Variants in IFT43 observed in about 807,000 individuals in gnomAD.
IFT43 encodes the protein intraflagellar transport 43, also known as intraflagellar transport protein 43 homolog.
Under a neutral mutation model 32.3 loss-of-function variants are expected in IFT43, and 33 were observed. The ratio of observed to expected loss-of-function variants is 1.02; its 90% CI spans 0.77 to 1.37. The LOEUF is 1.37. Among genes scored for constraint, IFT43 ranks in the 40% most tolerant of loss-of-function variants. The pLI is 0.00. For missense variants in IFT43, 274 were observed against 265.9 expected, an observed-to-expected ratio of 1.03 and a Z score of -0.21; for synonymous variants, 93 against 98.2, an observed-to-expected ratio of 0.95 and a Z score of 0.31.
At position 76,082,658 on chromosome 14, in the gene IFT43, A is replaced by G. The variant is rs753110306; in HGVS notation, c.410A>G (p.Asn137Ser). ...GTGATGACCTACCGTGACCTGGACA[A>G]TGACCTCATGAAGTACTCAGCCATT... ...KRVMTYRDLD[N>S]DLMKYSAIQT... Residue 137 changes from asparagine (N) to serine (S), a missense_variant, in exon 7 of 9, where the codon AAT (asparagine) becomes AGT (serine). Coordinates refer to ENST00000314067, the MANE Select transcript of IFT43 (RefSeq NM_001102564.3). The G allele has an allele frequency of 1.9e-6, 3 of 1,613,764 alleles. No individual in the cohort carries two copies. Among genetic ancestry groups the G allele is most frequent in the African/African-American group, 2.7e-5 (2 of 74,890 alleles).
intron 1 of IFT43, among the ~76,000 whole-genome samples, chr14:75,988,234 C>A (rs971453544): frequency 1.3e-5 from 2 of 151,920 alleles, no homozygotes; most frequent in African/African-American, 4.8e-5. Flanking sequence ...AATAAAGTAT[C>A]CAGATATGGT....
chr14:76,011,326 T>C (rs1199230362), intron 2 of IFT43, among the ~76,000 whole-genome samples: 1 of 152,224 alleles, frequency 6.6e-6, no homozygotes, highest in East Asian at 1.9e-4. Context: ...ATTTTACTTA[T>C]TACTTTCTCA....
intron 2 of IFT43, among the ~76,000 whole-genome samples, chr14:76,004,055 C>T (rs567476122): frequency 4.6e-5 from 7 of 152,238 alleles, no homozygotes; most frequent in African/African-American, 9.6e-5. Flanking sequence ...GGATTACAGG[C>T]GTGAACCACC....
chr14:76,004,634 T>C (rs1210987172), intron 2 of IFT43, among the ~76,000 whole-genome samples: 1 of 152,216 alleles, frequency 6.6e-6, no homozygotes, highest in African/African-American at 2.4e-5. Flanking sequence ...ATTTTCTTTC[T>C]CTTTGTGCCT....
intron 2 of IFT43, among the ~76,000 whole-genome samples, chr14:76,013,127 C>T (rs959425743): frequency 2.6e-5 from 4 of 152,172 alleles, no homozygotes; most frequent in Non-Finnish European, 5.9e-5. Context: ...CTTAGCCTGC[C>T]TGAAGATTAA....
At chr14:76,065,018 A>G (rs560403803) in intron 5 of IFT43, among the ~76,000 whole-genome samples, 92 of 152,332 alleles carry the variant, frequency 6.0e-4, no homozygotes, top group African/African-American at 2.1e-3. Flanking sequence ...TTATAAATAC[A>G]TGGAATTAGA....
At chr14:76,052,259 A>C (rs2036927492) in intron 3 of IFT43, among the ~76,000 whole-genome samples, 1 of 152,186 alleles carries the variant, frequency 6.6e-6, no homozygotes. Flanking sequence ...GTGGTACTTT[A>C]TCTCCATTTA....
intron 3 of IFT43, among the ~76,000 whole-genome samples, chr14:76,025,612 T>C (rs1478068317): frequency 2.0e-5 from 3 of 152,050 alleles, no homozygotes; most frequent in Admixed American, 1.3e-4. Flanking sequence ...AAGAGACACA[T>C]AGACCAATAG....
At position 76,030,654 on chromosome 14, in the gene IFT43, C is replaced by A. The variant is rs575005865; in HGVS notation, c.215+8260C>A. ...ACTTCCTAAGTAAAACTCAAGATTT[C>A]TTTGTGGTTCTTTTTGTCCTTAGAA... On this transcript the variant is annotated intron_variant, in intron 3 of 8. Coordinates refer to ENST00000314067, the MANE Select transcript of IFT43 (RefSeq NM_001102564.3). 8.0e-4 allele frequency among the ~76,000 whole-genome samples: 122 copies of A among 152,210 alleles called. 1 individual carries two copies. The highest frequency in any genetic ancestry group is 2.8e-3 in the African/African-American group (117 of 41,552).
chr14:76,059,377 A>G lies in IFT43; in HGVS notation c.295+4A>G, dbSNP rs757286927. On this transcript the variant is annotated splice_donor_region_variant and intron_variant, in intron 5 of 8. Transcript: ENST00000314067. The stretch of plus-strand genomic sequence containing the variant: ...AATGGATCAGATTATGGAGGAGGTA[A>G]GAGGCCCTTGGAGGAAGTCAAAAGG... 2.5e-6 allele frequency: 4 copies of G among 1,613,926 alleles called. No individual in the cohort carries two copies. The highest frequency in any genetic ancestry group is 3.4e-6 in the Non-Finnish European group (4 of 1,179,820).
chr14:76,008,219 A>G (rs566295327), intron 2 of IFT43, among the ~76,000 whole-genome samples: 154 of 152,288 alleles, frequency 1.0e-3, no homozygotes, highest in African/African-American at 3.4e-3. Context: ...TCTTCAGGGA[A>G]GCTGGAATAG....
At chr14:76,038,384 TC>T (rs1826253887) in intron 3 of IFT43, among the ~76,000 whole-genome samples, 1 of 152,226 alleles carries the variant, frequency 6.6e-6, no homozygotes, top group African/African-American at 2.4e-5. Context: ...TAGATGCTTT[TC>T]TTTCACGTGC....
intron 2 of IFT43, among the ~76,000 whole-genome samples, chr14:76,020,668 A>G (rs1338822764): frequency 6.6e-6 from 1 of 152,130 alleles, no homozygotes; most frequent in African/African-American, 2.4e-5. Context: ...GGCTTAGGCT[A>G]TAGTTGTTAT....
intron 2 of IFT43, among the ~76,000 whole-genome samples, chr14:76,000,598 A>G (rs1293333429): frequency 6.6e-6 from 1 of 152,128 alleles, no homozygotes; most frequent in Non-Finnish European, 1.5e-5. Context: ...AAAAAGGTTC[A>G]TCTATTTACC....
rs546477930 is a variant in IFT43 at position 76,058,071 on chromosome 14, T to C, written c.216-571T>C. The C allele has an allele frequency of 5.6e-5, 9 of 162,034 alleles. No homozygotes were observed. The South Asian group carries it at 1.6e-3, about 29-fold the overall frequency. The allele number at this position is 162,034 out of a possible 1,614,324, so 10.0% of individuals were successfully genotyped here. ...TAACAGGCCCCGCGGATGGTTCTTA[T>C]GCACCCTGACGTGTGAGAACCACTA... is the stretch of plus-strand genomic sequence containing the variant. On this transcript the variant is annotated intron_variant, in intron 3 of 8. Transcript: ENST00000314067.
chr14:76,002,500 G>A (rs867448844), intron 2 of IFT43, among the ~76,000 whole-genome samples: 1 of 152,130 alleles, frequency 6.6e-6, no homozygotes, highest in Non-Finnish European at 1.5e-5. Context: ...AGCAGTTCCA[G>A]TTATGACTGG....
At position 76,059,347 on chromosome 14, in the gene IFT43, G is replaced by A; in HGVS notation, c.269G>A (p.Ser90Asn). 6.2e-7 allele frequency: 1 copy of A among 1,614,092 alleles called. No individual in the cohort carries two copies. The highest frequency in any genetic ancestry group is 8.5e-7 in the Non-Finnish European group (1 of 1,179,934). ...EIEDFRLRPQ[S>N]LNGSDYGGDI... ...GGCAGTTTCCGCCTCAGACCACAGA[G>A]CCTGAATGGATCAGATTATGGAGGA... The change falls in exon 5 of 9, where the codon AGC becomes AAC. Residue 90 changes from serine to asparagine, a missense_variant. Physicochemically the swap from Ser to Asn is conservative, Grantham distance 46 (BLOSUM62 1). Transcript: ENST00000314067.
intron 1 of IFT43, chr14:75,986,393 A>AT: frequency 2.7e-6 from 2 of 729,260 alleles, no homozygotes; most frequent in Non-Finnish European, 3.7e-6. Context: ...TGAGGGAGTG[A>AT]TTAGGTGCTC....
chr14:76,031,075 A>G (rs2036502006), intron 3 of IFT43, among the ~76,000 whole-genome samples: 2 of 148,142 alleles, frequency 1.4e-5, no homozygotes, highest in Non-Finnish European at 3.0e-5. Flanking sequence ...TATATAATAT[A>G]CATATATAAA....
Sources: allele counts gnomAD v4.1 joint callset (sites outside exome capture counted in the v4.1 genomes callset), GRCh38; gene constraint gnomAD v4.1.1; transcripts MANE v1.5; gene names NCBI Gene and HGNC (gene_info 2026-07-23, HGNC 2026-07-21).